HS3ST4: variants seen among roughly 807,000 people sequenced by gnomAD.
HS3ST4 encodes heparan sulfate-glucosamine 3-sulfotransferase 4.
In HS3ST4, 17 loss-of-function variants were observed where a neutral mutation model predicts 29.2. The observed-to-expected ratio is 0.58, with a 90% CI of 0.40 to 0.87. The LOEUF (loss-of-function observed/expected upper bound fraction) is 0.87. Among genes scored for constraint, HS3ST4 ranks in the 40% least tolerant of loss-of-function variants. HS3ST4 has a pLI of 0.00. For missense variants in HS3ST4, 627 were observed against 634.5 expected (o/e 0.99, Z 0.13); for synonymous variants, 314 against 285.7 (o/e 1.10, Z -1.00).
intron 1 of HS3ST4, among the ~76,000 whole-genome samples, chr16:25,971,372 T>G (rs1440830933): frequency 6.6e-6 from 1 of 152,168 alleles, no homozygotes; most frequent in Admixed American, 6.5e-5. Context: ...GCAATCTGTT[T>G]TTCACTCACT....
At chr16:26,041,349 T>C (rs1173003485) in intron 1 of HS3ST4, among the ~76,000 whole-genome samples, 1 of 151,458 alleles carries the variant, frequency 6.6e-6, no homozygotes, top group Non-Finnish European at 1.5e-5. Context: ...TTAAAAATAA[T>C]AATAATGATA....
At chr16:25,826,381 A>C (rs1365173174) in intron 1 of HS3ST4, 1 of 152,148 alleles carries the variant, frequency 6.6e-6, no homozygotes, top group African/African-American at 2.4e-5. Context: ...ACTTAAACAC[A>C]TAATTTTTCT....
chr16:25,914,684 G>A (rs1408431641), intron 1 of HS3ST4, among the ~76,000 whole-genome samples: 2 of 151,650 alleles, frequency 1.3e-5, no homozygotes, highest in African/African-American at 2.4e-5. Context: ...GCTTCTGTGT[G>A]TGAAAGCACC....
intron 1 of HS3ST4, among the ~76,000 whole-genome samples, chr16:26,127,302 C>G (rs1043739879): frequency 6.6e-6 from 1 of 152,184 alleles, no homozygotes; most frequent in Non-Finnish European, 1.5e-5. Flanking sequence ...TGCTGCCATG[C>G]CTTAAGACCT....
At chr16:25,866,489 G>C (rs959313644) in intron 1 of HS3ST4, among the ~76,000 whole-genome samples, 5 of 152,174 alleles carry the variant, frequency 3.3e-5, no homozygotes, top group Non-Finnish European at 5.9e-5. Flanking sequence ...AAAAGGATGA[G>C]TTCATGTCCT....
intron 1 of HS3ST4, among the ~76,000 whole-genome samples, chr16:25,887,150 C>G (rs776016628): frequency 6.6e-6 from 1 of 151,926 alleles, no homozygotes; most frequent in African/African-American, 2.4e-5. Context: ...AAAGGCTGTT[C>G]GTGAAAGGAA....
intron 1 of HS3ST4, among the ~76,000 whole-genome samples, chr16:25,866,945 C>G (rs1358578793): frequency 1.3e-5 from 2 of 152,162 alleles, no homozygotes; most frequent in East Asian, 1.9e-4. Context: ...GTCAGAATCT[C>G]TATTTCACGG....
chr16:26,115,266 T>TATGTATATATATATACACAC (rs1567315542), intron 1 of HS3ST4, among the ~76,000 whole-genome samples: 139 of 148,548 alleles, frequency 9.4e-4, no homozygotes, highest in African/African-American at 3.3e-3. Context: ...TACATATATA[T>TATGTATATATATATACACAC]ACACACACAC....
At chr16:25,988,787 T>C (rs1043941276) in intron 1 of HS3ST4, among the ~76,000 whole-genome samples, 2 of 151,208 alleles carry the variant, frequency 1.3e-5, no homozygotes, top group African/African-American at 4.9e-5. Flanking sequence ...AGTGATGAAA[T>C]AATCTGTACA....
intron 1 of HS3ST4, among the ~76,000 whole-genome samples, chr16:25,890,268 A>G (rs1967994426): frequency 1.3e-5 from 2 of 152,174 alleles, no homozygotes; most frequent in Non-Finnish European, 2.9e-5. Context: ...CCGACTCTAA[A>G]TGTTGTCCTC....
At chr16:26,131,518 A>G (rs1899418963) in intron 1 of HS3ST4, among the ~76,000 whole-genome samples, 1 of 152,212 alleles carries the variant, frequency 6.6e-6, no homozygotes, top group South Asian at 2.1e-4. Context: ...GAACATGAGT[A>G]TATTGAAGTG....
At chr16:26,002,890 C>T (rs925483757) in intron 1 of HS3ST4, among the ~76,000 whole-genome samples, 2 of 150,420 alleles carry the variant, frequency 1.3e-5, no homozygotes, top group African/African-American at 4.9e-5. Flanking sequence ...TTGTCATCCT[C>T]TCCAGAAGTT....
chr16:25,995,892 C>G (rs111474710), intron 1 of HS3ST4, among the ~76,000 whole-genome samples: 304 of 151,850 alleles, frequency 2.0e-3, no homozygotes, highest in African/African-American at 7.1e-3. Context: ...TTCTCTGATG[C>G]TTTCACTTCC....
intron 1 of HS3ST4, among the ~76,000 whole-genome samples, chr16:26,045,501 C>T (rs1054688696): frequency 4.6e-5 from 7 of 152,102 alleles, no homozygotes; most frequent in African/African-American, 1.7e-4. Flanking sequence ...CACTAGAACT[C>T]GCAGTACATA....
chr16:25,703,674 CTT>C (rs202208908), intron 1 of HS3ST4, among the ~76,000 whole-genome samples: 6,214 of 152,286 alleles, frequency 0.041, 161 homozygotes, highest in Middle Eastern at 0.085. Context: ...CTGCAGGAGT[CTT>C]GCCCTCACAG....
chr16:25,895,238 A>G (rs1480551586), intron 1 of HS3ST4, among the ~76,000 whole-genome samples: 2 of 152,122 alleles, frequency 1.3e-5, no homozygotes, highest in Non-Finnish European at 2.9e-5. Context: ...ACTTGGGAGA[A>G]CAAGGTGATG....
intron 1 of HS3ST4, among the ~76,000 whole-genome samples, chr16:26,045,010 T>C (rs1464681654): frequency 6.6e-6 from 1 of 152,166 alleles, no homozygotes; most frequent in Non-Finnish European, 1.5e-5. Flanking sequence ...TGTGCAACCA[T>C]GATCCTGCAA....
At chr16:25,835,908 G>T (rs1455205285) in intron 1 of HS3ST4, among the ~76,000 whole-genome samples, 1 of 152,166 alleles carries the variant, frequency 6.6e-6, no homozygotes, top group African/African-American at 2.4e-5. Flanking sequence ...AAGCAGAAGA[G>T]AACTTAGTGG....
intron 1 of HS3ST4, among the ~76,000 whole-genome samples, chr16:26,060,493 A>G (rs1898462396): frequency 6.6e-6 from 1 of 151,994 alleles, no homozygotes; most frequent in Non-Finnish European, 1.5e-5. Flanking sequence ...TCAACATTTT[A>G]CAGTCTTCAG....
Sources: allele counts gnomAD v4.1 joint callset (sites outside exome capture counted in the v4.1 genomes callset), GRCh38; gene constraint gnomAD v4.1.1; transcripts MANE v1.5; gene names NCBI Gene and HGNC (gene_info 2026-07-23, HGNC 2026-07-21).